The following FYB1 variants were observed in gnomAD, a reference collection of about 807,000 sequenced individuals.
FYB1 encodes FYN-binding protein 1.
A neutral mutation model predicts 94.1 loss-of-function variants in FYB1; 41 were observed. The observed-to-expected ratio is 0.44, with a 90% confidence interval of 0.34 to 0.57. The LOEUF is 0.57. FYB1 is among the 20% of genes least tolerant of loss of function. The probability of loss-of-function intolerance (pLI) is 0.02; values close to 1 mark genes in which losing one functional copy is unlikely to be tolerated. For synonymous variants in FYB1, 367 were observed against 353.2 expected, an observed-to-expected ratio of 1.04 and a Z score of -0.44; for missense variants, 1,050 against 976.8, an observed-to-expected ratio of 1.07 and a Z score of -1.00.
At chr5:39,189,419 C>A (rs1747162757) in intron 2 of FYB1, among the ~76,000 whole-genome samples, 1 of 152,110 alleles carries the variant, frequency 6.6e-6, no homozygotes, top group African/African-American at 2.4e-5. Context: ...CAATGACTAT[C>A]AATAGCAACA....
At chr5:39,115,865 G>A (rs192272535) in intron 16 of FYB1, among the ~76,000 whole-genome samples, 3 of 152,168 alleles carry the variant, frequency 2.0e-5, no homozygotes, top group East Asian at 1.9e-4. Flanking sequence ...CCTTACACCC[G>A]CATCCTTACC....
At chr5:39,273,697 C>A (rs1752725766) in intron 1 of FYB1, among the ~76,000 whole-genome samples, 1 of 152,052 alleles carries the variant, frequency 6.6e-6, no homozygotes, top group East Asian at 1.9e-4. Flanking sequence ...TTTTAGAAAA[C>A]AGTTTTTGTT....
At chr5:39,145,477 T>G (rs879353869) in intron 3 of FYB1, among the ~76,000 whole-genome samples, 1 of 152,110 alleles carries the variant, frequency 6.6e-6, no homozygotes. Flanking sequence ...CAATCATTAA[T>G]CAAAGATCCC....
At chr5:39,229,768 G>T (rs1750638360) in intron 1 of FYB1, among the ~76,000 whole-genome samples, 1 of 152,234 alleles carries the variant, frequency 6.6e-6, no homozygotes, top group African/African-American at 2.4e-5. Flanking sequence ...TTGCCTAAAA[G>T]GCAGAAGAGG....
intron 7 of FYB1, among the ~76,000 whole-genome samples, chr5:39,135,445 A>C (rs779478625): frequency 5.3e-5 from 8 of 152,252 alleles, no homozygotes; most frequent in Non-Finnish European, 1.2e-4. Flanking sequence ...ATTACCTGCT[A>C]TAAACAAGAT....
At chr5:39,156,599 A>G (rs1561188476) in intron 2 of FYB1, among the ~76,000 whole-genome samples, 1 of 152,248 alleles carries the variant, frequency 6.6e-6, no homozygotes, top group Non-Finnish European at 1.5e-5. Flanking sequence ...AAGTCTTCCT[A>G]TGTTACACTA....
intron 1 of FYB1, among the ~76,000 whole-genome samples, chr5:39,254,893 T>G (rs964110034): frequency 3.3e-5 from 5 of 152,028 alleles, no homozygotes; most frequent in African/African-American, 1.2e-4. Flanking sequence ...TTAAAGGAAG[T>G]GCCAGACCTG....
intron 2 of FYB1, among the ~76,000 whole-genome samples, chr5:39,177,531 G>A (rs893290540): frequency 6.6e-6 from 1 of 152,206 alleles, no homozygotes; most frequent in Non-Finnish European, 1.5e-5. Context: ...ATTGCTCAAT[G>A]TAATAACTGC....
At chr5:39,135,910 A>T (rs2150319897) in intron 7 of FYB1, among the ~76,000 whole-genome samples, 1 of 152,294 alleles carries the variant, frequency 6.6e-6, no homozygotes, top group South Asian at 2.1e-4. Flanking sequence ...TTTTGAGTTC[A>T]TATTTAATGG....
intron 3 of FYB1, among the ~76,000 whole-genome samples, chr5:39,146,394 GC>G (rs1742664529): frequency 6.6e-6 from 1 of 152,046 alleles, no homozygotes; most frequent in African/African-American, 2.4e-5. Context: ...TCACTACCAG[GC>G]CATAAACACC....
chr5:39,243,470 T>C (rs1429249490), intron 1 of FYB1, among the ~76,000 whole-genome samples: 1 of 151,994 alleles, frequency 6.6e-6, no homozygotes, highest in African/African-American at 2.4e-5. Context: ...GTATTATTTC[T>C]GAGGGCTCTG....
At chr5:39,139,298 G>A (rs760032050) in intron 4 of FYB1, 46 bp from the exon 5 acceptor site, 1 of 1,346,870 alleles carries the variant, frequency 7.4e-7, no homozygotes, top group African/African-American at 1.5e-5. Context: ...TAATAAGGAA[G>A]CACTTTAATG....
At chr5:39,264,562 TC>T (rs1561318124) in intron 1 of FYB1, among the ~76,000 whole-genome samples, 1 of 152,170 alleles carries the variant, frequency 6.6e-6, no homozygotes, top group African/African-American at 2.4e-5. Context: ...TCTCCAGCCA[TC>T]CTGGTCTTTT....
chr5:39,150,100 C>G lies in FYB1; in HGVS notation c.1292+3348G>C, dbSNP rs550638720. On this transcript the variant is annotated intron_variant, in intron 3 of 18. Coordinates refer to ENST00000512982, the MANE Select transcript of FYB1 (RefSeq NM_001465.6). ...CAAAATCTAGGAGGCCATTTTTTTT[C>G]GACTAAATTCCCGCACTGGGCCCCA... Among the ~76,000 whole-genome samples, 73 of 151,606 alleles carry G rather than the reference C, an allele frequency of 4.8e-4. 1 individual carries two copies. The highest frequency in any genetic ancestry group is 1.7e-3 in the African/African-American group (72 of 41,292).
At chr5:39,230,156 G>T (rs949365948) in intron 1 of FYB1, among the ~76,000 whole-genome samples, 1 of 152,198 alleles carries the variant, frequency 6.6e-6, no homozygotes, top group African/African-American at 2.4e-5. Flanking sequence ...ATTTGCAGGA[G>T]AGCAATTAGG....
At chr5:39,209,819 C>T (rs1449731925) in intron 1 of FYB1, among the ~76,000 whole-genome samples, 2 of 152,294 alleles carry the variant, frequency 1.3e-5, no homozygotes, top group East Asian at 1.9e-4. Flanking sequence ...TGATGGACTG[C>T]GTTTACTTAA....
At chr5:39,234,087 A>G (rs553947459) in intron 1 of FYB1, among the ~76,000 whole-genome samples, 1 of 152,230 alleles carries the variant, frequency 6.6e-6, no homozygotes, top group African/African-American at 2.4e-5. Context: ...CATGATATCC[A>G]GGCTCATTTC....
chr5:39,215,414 T>C (rs1454445449), intron 1 of FYB1, among the ~76,000 whole-genome samples: 2 of 152,056 alleles, frequency 1.3e-5, no homozygotes, highest in Non-Finnish European at 2.9e-5. Flanking sequence ...GCGATGACGA[T>C]GGGGAAATGA....
intron 9 of FYB1, among the ~76,000 whole-genome samples, chr5:39,131,382 G>A (rs1035662879): frequency 2.6e-5 from 4 of 152,016 alleles, no homozygotes; most frequent in South Asian, 2.1e-4. Context: ...ACTTGACCAC[G>A]CCCACTTTTA....
Sources: allele counts gnomAD v4.1 joint callset (sites outside exome capture counted in the v4.1 genomes callset), GRCh38; gene constraint gnomAD v4.1.1; transcripts MANE v1.5; gene names NCBI Gene and HGNC (gene_info 2026-07-23, HGNC 2026-07-21).